The following NSMCE2 variants were observed in gnomAD, a reference collection of about 807,000 sequenced individuals.
NSMCE2 encodes the protein E3 SUMO-protein ligase NSE2.
NSMCE2 carries 24 observed loss-of-function variants against 23.8 expected under a neutral mutation model. The observed-to-expected ratio is 1.01, with a 90% CI of 0.73 to 1.42. The LOEUF (loss-of-function observed/expected upper bound fraction) is 1.42, where lower values mean the gene tolerates loss of function less well. Ranked by LOEUF, NSMCE2 falls within the 40% of genes most tolerant of loss-of-function variation. The pLI is 0.00. For missense variants in NSMCE2, 284 were observed against 296.5 expected (o/e 0.96, Z 0.31); for synonymous variants, 92 against 94.1 (o/e 0.98, Z 0.13).
At chr8:125,099,548 C>G (rs1818086792) in intron 1 of NSMCE2, among the ~76,000 whole-genome samples, 1 of 152,050 alleles carries the variant, frequency 6.6e-6, no homozygotes, top group Admixed American at 6.5e-5. Flanking sequence ...AGAATGAGAA[C>G]AAGAACAAGG....
chr8:125,128,599 G>A (rs1174183510), intron 3 of NSMCE2, among the ~76,000 whole-genome samples: 1 of 152,182 alleles, frequency 6.6e-6, no homozygotes, highest in East Asian at 1.9e-4. Flanking sequence ...CAAATCTCAA[G>A]CCTGAAGTGA....
chr8:125,120,392 C>G (rs1819210283), intron 3 of NSMCE2, among the ~76,000 whole-genome samples: 1 of 152,130 alleles, frequency 6.6e-6, no homozygotes, highest in African/African-American at 2.4e-5. Context: ...CTTTTCTACC[C>G]TAGGTGTGAT....
At chr8:125,096,862 G>A (rs750171897) in intron 1 of NSMCE2, among the ~76,000 whole-genome samples, 18 of 151,942 alleles carry the variant, frequency 1.2e-4, no homozygotes, top group Non-Finnish European at 2.1e-4. Flanking sequence ...CAACTGCCTC[G>A]GCCTCCCAAA....
At chr8:125,157,528 A>G in intron 4 of NSMCE2, among the ~76,000 whole-genome samples, 1 of 152,170 alleles carries the variant, frequency 6.6e-6, no homozygotes, top group African/African-American at 2.4e-5. Flanking sequence ...GGTGGTTTAG[A>G]ACTCCCTGTA....
chr8:125,314,417 G>A (rs1829095085), intron 5 of NSMCE2, among the ~76,000 whole-genome samples: 1 of 152,146 alleles, frequency 6.6e-6, no homozygotes, highest in Non-Finnish European at 1.5e-5. Flanking sequence ...AGCCTCCCAA[G>A]TAGCTGGGGT....
intron 5 of NSMCE2, among the ~76,000 whole-genome samples, chr8:125,222,983 G>T (rs1176880071): frequency 1.3e-5 from 2 of 152,038 alleles, no homozygotes; most frequent in Admixed American, 6.6e-5. Flanking sequence ...GATCGTTTGA[G>T]CCCTGAAGGT....
At chr8:125,257,422 G>T (rs1184631727) in intron 5 of NSMCE2, among the ~76,000 whole-genome samples, 2 of 152,016 alleles carry the variant, frequency 1.3e-5, no homozygotes, top group Non-Finnish European at 2.9e-5. Flanking sequence ...TGAAAAAGGG[G>T]GTAATCTCCT....
chr8:125,231,196 T>G (rs1428989802), intron 5 of NSMCE2, among the ~76,000 whole-genome samples: 1 of 152,162 alleles, frequency 6.6e-6, no homozygotes, highest in African/African-American at 2.4e-5. Flanking sequence ...TAAAAGATGC[T>G]TATAGTTGTT....
chr8:125,320,671 CAT>C (rs1465188326), intron 5 of NSMCE2, among the ~76,000 whole-genome samples: 1 of 151,932 alleles, frequency 6.6e-6, no homozygotes. Context: ...AAAGGTGAGA[CAT>C]AAAGATTTTT....
intron 5 of NSMCE2, among the ~76,000 whole-genome samples, chr8:125,328,672 A>G (rs998495073): frequency 3.3e-5 from 5 of 152,114 alleles, no homozygotes; most frequent in Non-Finnish European, 5.9e-5. Flanking sequence ...GTAGTGTTTT[A>G]TTTCTGGCAT....
chr8:125,359,077 T>C (rs963585635), intron 7 of NSMCE2, among the ~76,000 whole-genome samples: 2 of 151,746 alleles, frequency 1.3e-5, no homozygotes, highest in African/African-American at 2.4e-5. Context: ...CCATCCTGGC[T>C]AACACGGTGA....
intron 3 of NSMCE2, among the ~76,000 whole-genome samples, chr8:125,103,549 T>G (rs1818306553): frequency 6.6e-6 from 1 of 152,194 alleles, no homozygotes; most frequent in Admixed American, 6.5e-5. Flanking sequence ...CTGCTACTAT[T>G]TCTTCAAATA....
intron 5 of NSMCE2, among the ~76,000 whole-genome samples, chr8:125,221,808 G>C (rs919324613): frequency 6.6e-6 from 1 of 152,120 alleles, no homozygotes; most frequent in Non-Finnish European, 1.5e-5. Flanking sequence ...CTGCAACTAG[G>C]TGTGGAATTT....
chr8:125,235,911 G>T (rs1293736144), intron 5 of NSMCE2, among the ~76,000 whole-genome samples: 1 of 152,140 alleles, frequency 6.6e-6, no homozygotes, highest in East Asian at 1.9e-4. Context: ...TGACCTAGTA[G>T]GTAAGAGTCC....
At chr8:125,353,209 C>T (rs1813111582) in intron 5 of NSMCE2, among the ~76,000 whole-genome samples, 1 of 152,198 alleles carries the variant, frequency 6.6e-6, no homozygotes, top group African/African-American at 2.4e-5. Flanking sequence ...TTCTCTGGCA[C>T]AACGTATACA....
rs77454870 is a variant in NSMCE2 at position 125,275,442 on chromosome 8, C to A, written c.419-81777C>A. Among the ~76,000 whole-genome samples the A allele has an allele frequency of 9.0e-3, 1,367 of 152,274 alleles. 22 individuals are homozygous for A. The highest frequency in any genetic ancestry group is 0.03 in the African/African-American group (1,248 of 41,546). Reference sequence around the variant, plus strand: ...ACTCTTTATTCTTCCCTGTACCCTCCCATGGTATCCAGCAGGTAAGAACGT... The same window carrying A: ...ACTCTTTATTCTTCCCTGTACCCTCACATGGTATCCAGCAGGTAAGAACGT... On this transcript the variant is annotated intron_variant, in intron 5 of 7. Coordinates refer to ENST00000287437, the MANE Select transcript of NSMCE2 (RefSeq NM_173685.4).
At chr8:125,168,022 AT>A (rs1488395021) in intron 4 of NSMCE2, among the ~76,000 whole-genome samples, 1 of 152,192 alleles carries the variant, frequency 6.6e-6, no homozygotes, top group Non-Finnish European at 1.5e-5. Context: ...CAGTTCGGGT[AT>A]TTCATTTGAT....
At chr8:125,332,452 T>C (rs890642214) in intron 5 of NSMCE2, among the ~76,000 whole-genome samples, 3 of 152,224 alleles carry the variant, frequency 2.0e-5, no homozygotes, top group Admixed American at 6.5e-5. Context: ...GTGAATAATA[T>C]AGTACTCGCA....
At chr8:125,166,374 C>A (rs908933722) in intron 4 of NSMCE2, among the ~76,000 whole-genome samples, 1 of 152,132 alleles carries the variant, frequency 6.6e-6, no homozygotes, top group Non-Finnish European at 1.5e-5. Flanking sequence ...TCAAGAGATT[C>A]TTGCGCCTCA....
Sources: gnomAD v4.1 joint callset for allele counts (sites outside exome capture counted in the v4.1 genomes callset) on GRCh38, gnomAD v4.1.1 for gene constraint, MANE v1.5 for transcripts, NCBI Gene and HGNC (gene_info 2026-07-23, HGNC 2026-07-21) for gene names.